The following MRC2 variants were observed in gnomAD, a reference collection of about 807,000 sequenced individuals.
MRC2 encodes mannose receptor C-type 2, also known as C-type mannose receptor 2.
In MRC2, 84 loss-of-function variants were observed where a neutral mutation model predicts 206.2. The observed-to-expected ratio is 0.41, with a 90% CI of 0.34 to 0.49. The LOEUF is 0.49. MRC2 is among the 20% of genes least tolerant of loss of function. MRC2 has a pLI of 0.31. For synonymous variants in MRC2, 798 were observed against 800.0 expected (o/e 1.00, Z 0.04); for missense variants, 1,676 against 2,001.5 (o/e 0.84, Z 3.10).
intron 6 of MRC2, among the ~76,000 whole-genome samples, chr17:62,669,325 G>A (rs558584032): frequency 1.3e-5 from 2 of 151,596 alleles, no homozygotes; most frequent in African/African-American, 4.8e-5. Context: ...AGAGATTCTC[G>A]TGCCTCAGCC....
intron 28 of MRC2, 98 bp downstream of exon 28, chr17:62,691,226 C>T (rs374880033): frequency 1.4e-5 from 20 of 1,389,468 alleles, no homozygotes; most frequent in South Asian, 9.8e-5. Context: ...GGGGGCACAG[C>T]CGATGGGAAG....
rs554159141 is a variant in MRC2 at position 62,629,836 on chromosome 17, A to C, written c.118+1916A>C. On this transcript the variant is annotated intron_variant, in intron 1 of 29. Transcript: ENST00000303375. ...ATGCATGTGGGAGGTAGGGTGTGGC[A>C]GGCCAGTGCTGCTGGGGGCGAGGCT... 2.6e-5 allele frequency among the ~76,000 whole-genome samples: 4 copies of C among 152,360 alleles called. No individual in the cohort carries two copies. In the South Asian group the frequency reaches 8.3e-4, roughly 32 times the overall value.
At chr17:62,648,754 T>C (rs2088520699) in intron 1 of MRC2, among the ~76,000 whole-genome samples, 1 of 152,170 alleles carries the variant, frequency 6.6e-6, no homozygotes, top group Non-Finnish European at 1.5e-5. Flanking sequence ...TATTTTTCTT[T>C]TAATTCTTCT....
chr17:62,675,689 C>A lies in MRC2; in HGVS notation c.1570-101C>A. On this transcript the variant is annotated intron_variant, in intron 9 of 29. Transcript: ENST00000303375. This position sits in a 1 kb window ranked among gnomAD's most constrained non-coding sequence, Gnocchi z 4.1. ...CAGTCCCCTCCGTCCTGAGCACGTT[C>A]AGTGATGTCCCTGATGGCATCTCCC... 1.1e-6 allele frequency: 1 copy of A among 914,610 alleles called. No individual in the cohort carries two copies. The highest frequency in any genetic ancestry group is 1.8e-6 in the Non-Finnish European group (1 of 560,916). 56.7% of individuals were successfully genotyped at this position (914,610 alleles called of 1,614,324 possible).
In MRC2 at chr17:62,672,123, C is replaced by G; in HGVS notation, c.1432C>G (p.Leu478Val). 1 of 1,614,136 alleles carries G rather than the reference C, an allele frequency of 6.2e-7. No individual in the cohort carries two copies. The highest frequency in any genetic ancestry group is 1.1e-5 in the South Asian group (1 of 91,078). ...PFEPNNFRDS[L>V]EDCVTIWGPE... ...TGAGCCCAACAACTTCCGGGACAGT[C>G]TGGAGGACTGTGTCACCATCTGGGG... The change falls in exon 8 of 30, where the codon CTG (leucine) becomes GTG (valine). Residue 478 changes from leucine to valine, a missense_variant. Physicochemically the swap from Leu to Val is conservative, Grantham distance 32. Transcript: ENST00000303375. The surrounding 1 kb of genome is among the most constrained non-coding windows in gnomAD (Gnocchi z 4.5).
intron 1 of MRC2, among the ~76,000 whole-genome samples, chr17:62,634,026 C>A (rs1473028500): frequency 6.6e-6 from 1 of 151,996 alleles, no homozygotes; most frequent in Non-Finnish European, 1.5e-5. Flanking sequence ...AATGGCTACT[C>A]CATAGGCAGA....
At chr17:62,645,527 ATTTTTTTT>A (rs1164231785) in intron 1 of MRC2, among the ~76,000 whole-genome samples, 113 of 39,484 alleles carry the variant, frequency 2.9e-3, no homozygotes, top group Middle Eastern at 0.031. Context: ...ATATATATAT[ATTTTTTTT>A]TTTTTTTTTT....
intron 1 of MRC2, among the ~76,000 whole-genome samples, chr17:62,649,859 A>G (rs1232317982): frequency 2.0e-5 from 3 of 151,424 alleles, no homozygotes; most frequent in African/African-American, 7.3e-5. Context: ...TTTATTTTGA[A>G]ATAGATACAG....
Position 62,672,143 on chromosome 17 carries a change from C to A in MRC2, c.1452C>A (p.Ile484=). The change falls in exon 8 of 30, where the codon ATC becomes ATA. Residue 484 remains isoleucine, a synonymous_variant. Coordinates refer to ENST00000303375, the MANE Select transcript of MRC2 (RefSeq NM_006039.5). The surrounding 1 kb of genome is among the most constrained non-coding windows in gnomAD (Gnocchi z 4.5). ...ACAGTCTGGAGGACTGTGTCACCATCTGGGGCCCGGTGAGATCTCCCTCTC... is the reference window on the plus strand; with the variant it reads ...ACAGTCTGGAGGACTGTGTCACCATATGGGGCCCGGTGAGATCTCCCTCTC... The part of the protein sequence containing the change: ...FRDSLEDCVT[I]WGPEGRWNDS... 3.7e-6 allele frequency: 6 copies of A among 1,614,076 alleles called. No individual in the cohort carries two copies. Among genetic ancestry groups the A allele is most frequent in the Non-Finnish European group, 5.1e-6 (6 of 1,180,012 alleles).
At chr17:62,682,119 A>G in intron 19 of MRC2, 116 bp from the exon 20 acceptor site, 1 of 1,207,624 alleles carries the variant, frequency 8.3e-7, no homozygotes, top group Non-Finnish European at 1.1e-6. Context: ...GGAGCTGGAC[A>G]CAGGCCCTGA....
Position 62,664,238 on chromosome 17 carries a change from C to G in MRC2, c.119-310C>G, listed in dbSNP as rs968511829. 1.3e-5 allele frequency among the ~76,000 whole-genome samples: 2 copies of G among 151,950 alleles called. No individual in the cohort carries two copies. Among genetic ancestry groups the G allele is most frequent in the Non-Finnish European group, 2.9e-5 (2 of 68,006 alleles). On this transcript the variant is annotated intron_variant, in intron 1 of 29. Coordinates refer to ENST00000303375, the MANE Select transcript of MRC2 (RefSeq NM_006039.5). This position sits in a 1 kb window ranked among gnomAD's most constrained non-coding sequence, Gnocchi z 4.7. ...CCTCCCAAAGTGCTGGGATTACAGG[C>G]GTGAGCCACCGCGCCCGGCCTGGGT...
At chr17:62,665,333 G>A (rs1257495154) in intron 2 of MRC2, among the ~76,000 whole-genome samples, 1 of 151,356 alleles carries the variant, frequency 6.6e-6, no homozygotes, top group Non-Finnish European at 1.5e-5. Flanking sequence ...AACCCAGGAG[G>A]CAGAGGTTGC....
chr17:62,634,545 T>C (rs976072635), intron 1 of MRC2, among the ~76,000 whole-genome samples: 4 of 152,172 alleles, frequency 2.6e-5, no homozygotes, highest in Non-Finnish European at 4.4e-5. Flanking sequence ...ATGATCTGCC[T>C]GCCTCAGCCT....
In MRC2 at chr17:62,676,942, G is replaced by A. The variant is rs546532126; in HGVS notation, c.1835-327G>A. Among the ~76,000 whole-genome samples, 16 of 152,340 alleles carry A rather than the reference G, an allele frequency of 1.1e-4. No individual in the cohort carries two copies. In the South Asian group the frequency reaches 2.7e-3, roughly 26 times the overall value. On this transcript the variant is annotated intron_variant, in intron 11 of 29. Transcript: ENST00000303375. Reference sequence around the variant, plus strand: ...AAAAAATGTGTTCAGAATACTGAGCGCAATACAAGTGCTTGTTATTACTAT... The same window carrying A: ...AAAAAATGTGTTCAGAATACTGAGCACAATACAAGTGCTTGTTATTACTAT...
chr17:62,673,730 G>A (rs2147474037), intron 8 of MRC2, among the ~76,000 whole-genome samples: 1 of 152,222 alleles, frequency 6.6e-6, no homozygotes, highest in South Asian at 2.1e-4. Flanking sequence ...GGCTGGTCTT[G>A]AACTCTTGAC....
At chr17:62,655,661 G>C (rs973917021) in intron 1 of MRC2, among the ~76,000 whole-genome samples, 1 of 147,720 alleles carries the variant, frequency 6.8e-6, no homozygotes, top group African/African-American at 2.5e-5. Flanking sequence ...CAAGGCTGCA[G>C]TGAGCTATGA....
Position 62,667,465 on chromosome 17 carries a change from ACTGCAG to A in MRC2, c.1051_1056del (p.Cys351_Ser352del). The A allele has an allele frequency of 6.2e-7, 1 of 1,612,788 alleles. No individual in the cohort carries two copies. On this transcript the variant is annotated inframe_deletion, in exon 6 of 30. Transcript: ENST00000303375. This position sits in a 1 kb window ranked among gnomAD's most constrained non-coding sequence, Gnocchi z 4.1. Reference sequence around the variant, plus strand: ...TCCTCGGGCGGCTGGCAGAACCGTGACTGCAGCATCGCGCTGCCCTATGTGTGCAAG... The same window carrying A: ...TCCTCGGGCGGCTGGCAGAACCGTGACATCGCGCTGCCCTATGTGTGCAAG...
intron 23 of MRC2, 151 bp from the exon 24 acceptor site, chr17:62,689,371 G>A (rs1392445692): frequency 1.6e-6 from 1 of 614,512 alleles, no homozygotes; most frequent in Non-Finnish European, 2.9e-6. Flanking sequence ...ATAACAACAG[G>A]GCTGACACCT....
rs755725485 is a variant in MRC2 at position 62,656,014 on chromosome 17, C to T, written c.119-8534C>T. Reference sequence around the variant, plus strand: ...AGTTATTCCTCCTGCCTCAGACTCCCGAGTAGCTGGGACCACAGGCACATG... The same window carrying T: ...AGTTATTCCTCCTGCCTCAGACTCCTGAGTAGCTGGGACCACAGGCACATG... On this transcript the variant is annotated intron_variant, in intron 1 of 29. Transcript: ENST00000303375. Among the ~76,000 whole-genome samples, 7 of 152,058 alleles carry T rather than the reference C, an allele frequency of 4.6e-5. No individual in the cohort carries two copies. The South Asian group carries it at 6.2e-4, about 14-fold the overall frequency.
Sources: gnomAD v4.1 joint callset for allele counts (sites outside exome capture counted in the v4.1 genomes callset) on GRCh38, gnomAD v4.1.1 for gene constraint, Gnocchi (gnomAD v3.1) non-coding constraint, MANE v1.5 for transcripts, NCBI Gene and HGNC (gene_info 2026-07-23, HGNC 2026-07-21) for gene names.